NOL10: variants seen among roughly 807,000 people sequenced by gnomAD.
The protein encoded by NOL10 is H_NH0074G24.1.
Under a neutral mutation model 103.5 loss-of-function variants are expected in NOL10, and 58 were observed. The ratio of observed to expected loss-of-function variants is 0.56; its 90% CI spans 0.45 to 0.70. NOL10 has a LOEUF of 0.70. NOL10 is among the 30% of genes least tolerant of loss of function. The pLI is 0.00. For missense variants in NOL10, 763 were observed against 807.3 expected (o/e 0.95, Z 0.67); for synonymous variants, 287 against 282.5 (o/e 1.02, Z -0.16).
At chr2:10,630,016 T>C (rs1677731053) in intron 13 of NOL10, among the ~76,000 whole-genome samples, 1 of 152,206 alleles carries the variant, frequency 6.6e-6, no homozygotes, top group Non-Finnish European at 1.5e-5. Flanking sequence ...CTAGAAATCC[T>C]GGCCTCAAGT....
At chr2:10,651,910 G>T (rs575050450) in intron 12 of NOL10, among the ~76,000 whole-genome samples, 22 of 152,274 alleles carry the variant, frequency 1.4e-4, no homozygotes, top group Non-Finnish European at 2.5e-4. Flanking sequence ...AAAGTCCAGG[G>T]TTTCTCATCT....
intron 8 of NOL10, 143 bp from the exon 9 acceptor site, chr2:10,663,187 C>T (rs1489444506): frequency 2.9e-5 from 17 of 586,452 alleles, no homozygotes; most frequent in Non-Finnish European, 4.2e-5. Context: ...ACTAACATGG[C>T]GAAACTCTGT....
intron 1 of NOL10, among the ~76,000 whole-genome samples, chr2:10,689,445 T>C (rs775066657): frequency 6.6e-6 from 1 of 152,164 alleles, no homozygotes; most frequent in Non-Finnish European, 1.5e-5. Context: ...GGGAGAGATG[T>C]GTCAACGAAT....
At chr2:10,587,102 T>TATATAC (rs1675096964) in intron 19 of NOL10, among the ~76,000 whole-genome samples, 2 of 40,286 alleles carry the variant, frequency 5.0e-5, no homozygotes. Flanking sequence ...TATATACACA[T>TATATAC]ATATATACAT....
intron 11 of NOL10, among the ~76,000 whole-genome samples, chr2:10,657,450 G>C (rs1679917720): frequency 6.6e-6 from 1 of 152,026 alleles, no homozygotes; most frequent in Admixed American, 6.6e-5. Flanking sequence ...GGGTTTCTCG[G>C]GTCATAGATC....
rs563753207 is a variant in NOL10 at position 10,599,168 on chromosome 2, G to A, written c.1422+1685C>T. On this transcript the variant is annotated intron_variant, in intron 17 of 20. Coordinates refer to ENST00000381685, the MANE Select transcript of NOL10 (RefSeq NM_024894.4). Reference sequence around the variant, plus strand: ...CTGGTATAGCATGCTGCACAAAGTAGCAAAATTAAATTGTAACTTAAGTAT... The same window carrying A: ...CTGGTATAGCATGCTGCACAAAGTAACAAAATTAAATTGTAACTTAAGTAT... 3.3e-5 allele frequency among the ~76,000 whole-genome samples: 5 copies of A among 152,336 alleles called. No individual in the cohort carries two copies. The South Asian group carries it at 1.0e-3, about 32-fold the overall frequency.
At chr2:10,669,455 ATTT>A (rs1242913554) in intron 6 of NOL10, among the ~76,000 whole-genome samples, 1 of 136,234 alleles carries the variant, frequency 7.3e-6, no homozygotes, top group Non-Finnish European at 1.5e-5. Context: ...ATATATATAT[ATTT>A]TTATTTTTTA....
At chr2:10,617,511 TG>T (rs1488137501) in intron 13 of NOL10, among the ~76,000 whole-genome samples, 1 of 152,096 alleles carries the variant, frequency 6.6e-6, no homozygotes, top group African/African-American at 2.4e-5. Context: ...CCTGGGGACC[TG>T]GGGGAGGGAC....
chr2:10,587,128 TACATATATAC>T (rs1558270302), intron 19 of NOL10, among the ~76,000 whole-genome samples: 2 of 27,150 alleles, frequency 7.4e-5, no homozygotes, highest in African/African-American at 1.8e-4. Context: ...TACATATATA[TACATATATAC>T]ACATATATAT....
chr2:10,573,483 T>A (rs7598463), intron 20 of NOL10, among the ~76,000 whole-genome samples: 5 of 151,756 alleles, frequency 3.3e-5, no homozygotes, highest in African/African-American at 1.2e-4. Context: ...TGCGCCACCG[T>A]GCCCAGCCAG....
chr2:10,661,757 T>C (rs1242672435), intron 9 of NOL10, among the ~76,000 whole-genome samples: 2 of 152,130 alleles, frequency 1.3e-5, no homozygotes, highest in African/African-American at 4.8e-5. Context: ...GACAGCCTGC[T>C]TCCCCTATCC....
intron 13 of NOL10, among the ~76,000 whole-genome samples, chr2:10,618,046 T>C (rs1676925778): frequency 6.7e-6 from 1 of 149,250 alleles, no homozygotes; most frequent in Admixed American, 6.7e-5. Flanking sequence ...TTTTTTTTTT[T>C]TTTCTTTTTT....
At chr2:10,600,594 AT>A (rs1675920153) in intron 17 of NOL10, among the ~76,000 whole-genome samples, 2 of 99,892 alleles carry the variant, frequency 2.0e-5, no homozygotes, top group South Asian at 5.1e-4. Flanking sequence ...GTAGTTTCTA[AT>A]TTTGAAACAA....
intron 12 of NOL10, among the ~76,000 whole-genome samples, chr2:10,645,824 T>C (rs1377054014): frequency 6.6e-6 from 1 of 151,988 alleles, no homozygotes; most frequent in Non-Finnish European, 1.5e-5. Context: ...CCACCGCATC[T>C]GGCCTCGATA....
intron 13 of NOL10, among the ~76,000 whole-genome samples, chr2:10,612,049 G>T (rs1382476975): frequency 6.6e-6 from 1 of 152,168 alleles, no homozygotes; most frequent in East Asian, 1.9e-4. Context: ...CTTAAGCCCA[G>T]GATTTGGAGG....
intron 17 of NOL10, among the ~76,000 whole-genome samples, chr2:10,598,034 A>G (rs1478338947): frequency 1.3e-5 from 2 of 152,232 alleles, no homozygotes; most frequent in Non-Finnish European, 2.9e-5. Flanking sequence ...CAAGTTCTTG[A>G]TTCGCACGGT....
At chr2:10,678,230 T>C (rs1449293493) in intron 3 of NOL10, among the ~76,000 whole-genome samples, 1 of 151,862 alleles carries the variant, frequency 6.6e-6, no homozygotes, top group Non-Finnish European at 1.5e-5. Flanking sequence ...TTTTTTATTT[T>C]TTGTAGGGAC....
chr2:10,657,305 A>G (rs530606784), intron 11 of NOL10, among the ~76,000 whole-genome samples: 40 of 151,196 alleles, frequency 2.6e-4, no homozygotes, highest in South Asian at 8.3e-4. Flanking sequence ...GCGACAGAGC[A>G]AACTCTCTCA....
Position 10,657,740 on chromosome 2 carries a change from A to T in NOL10, c.906+2T>A. 2 of 1,549,132 alleles carry T rather than the reference A, an allele frequency of 1.3e-6. No individual in the cohort carries two copies. The highest frequency in any genetic ancestry group is 1.7e-6 in the Non-Finnish European group (2 of 1,146,040). On this transcript the variant is annotated splice_donor_variant, in intron 11 of 20. Coordinates refer to ENST00000381685, the MANE Select transcript of NOL10 (RefSeq NM_024894.4). LOFTEE classifies it high-confidence loss of function. ...CAAGTAATTTCAACCAAAAATACAT[A>T]CGGAGTTCTTATTCCACATCTTGAC... is the stretch of plus-strand genomic sequence containing the variant.
Sources: gnomAD v4.1 joint callset for allele counts (sites outside exome capture counted in the v4.1 genomes callset) on GRCh38, gnomAD v4.1.1 for gene constraint, MANE v1.5 for transcripts, NCBI Gene and HGNC (gene_info 2026-07-23, HGNC 2026-07-21) for gene names.